The following NEK11 variants were observed in gnomAD, a reference collection of about 807,000 sequenced individuals.
NEK11 encodes the protein NIMA related kinase 11.
NEK11 carries 72 observed loss-of-function variants against 80.7 expected under a neutral mutation model. That is an observed-to-expected ratio of 0.89 (90% CI 0.74 to 1.08). The LOEUF (loss-of-function observed/expected upper bound fraction) is 1.08. Among genes scored for constraint, NEK11 ranks in the 50% least tolerant of loss-of-function variants. The probability of loss-of-function intolerance (pLI) is 0.00; values close to 1 mark genes in which losing one functional copy is unlikely to be tolerated. For synonymous variants in NEK11, 251 were observed against 260.7 expected (o/e 0.96, Z 0.36); for missense variants, 764 against 763.6 (o/e 1.00, Z -0.01).
chr3:131,192,306 TG>T, intron 14 of NEK11, among the ~76,000 whole-genome samples: 1 of 152,212 alleles, frequency 6.6e-6, no homozygotes, highest in South Asian at 2.1e-4. Flanking sequence ...CAGCATGTGG[TG>T]AAATTGGAAC....
intron 3 of NEK11, among the ~76,000 whole-genome samples, chr3:131,068,203 G>A (rs1372267672): frequency 6.6e-6 from 1 of 152,146 alleles, no homozygotes; most frequent in South Asian, 2.1e-4. Flanking sequence ...AGCCCTGGCA[G>A]TCTTCCAGAC....
At chr3:131,259,692 TA>T (rs978656678) in intron 16 of NEK11, among the ~76,000 whole-genome samples, 1 of 152,160 alleles carries the variant, frequency 6.6e-6, no homozygotes, top group Non-Finnish European at 1.5e-5. Flanking sequence ...GCAAAGGCCA[TA>T]ATGGTTAGGT....
chr3:131,237,829 A>G (rs1299385679), intron 15 of NEK11, among the ~76,000 whole-genome samples: 1 of 152,110 alleles, frequency 6.6e-6, no homozygotes, highest in African/African-American at 2.4e-5. Context: ...AGCAAAACCT[A>G]TTGGCTTGAC....
Position 131,228,752 on chromosome 3 carries a change from G to A in NEK11, c.1560+64G>A, listed in dbSNP as rs541288286. 3.8e-5 allele frequency: 57 copies of A among 1,481,354 alleles called. 1 individual carries two copies. The South Asian group carries it at 7.0e-4, about 18-fold the overall frequency. 91.8% of individuals were successfully genotyped at this position (1,481,354 alleles called of 1,614,324 possible). A position where few individuals can be genotyped will look rare whatever the true frequency, so the allele number is the denominator to read the frequency against. ...AAGGTACTGATTGGACTCTCCCAGA[G>A]AAGAAAGGAAGTCTTATAAGGTGAA... On this transcript the variant is annotated intron_variant, in intron 15 of 17. Coordinates refer to ENST00000383366, the MANE Select transcript of NEK11 (RefSeq NM_024800.5).
intron 14 of NEK11, among the ~76,000 whole-genome samples, chr3:131,182,472 ATGGGTTTCTTGCAAACCCATCTCAT>A (rs1470920822): frequency 6.6e-6 from 1 of 152,154 alleles, no homozygotes; most frequent in Admixed American, 6.5e-5. Context: ...ATCTTGCAGG[ATGGGTTTCTTGCAAACCCATCTCAT>A]TGTTCTGTGC....
intron 16 of NEK11, among the ~76,000 whole-genome samples, chr3:131,254,546 A>G (rs2095768274): frequency 6.6e-6 from 1 of 152,214 alleles, no homozygotes; most frequent in Non-Finnish European, 1.5e-5. Flanking sequence ...TTCAAACAGC[A>G]AAACTGATCA....
At chr3:131,213,089 G>C (rs973816380) in intron 14 of NEK11, among the ~76,000 whole-genome samples, 1 of 152,084 alleles carries the variant, frequency 6.6e-6, no homozygotes, top group Non-Finnish European at 1.5e-5. Flanking sequence ...TGTCCAGCCT[G>C]TTGCCCTACC....
intron 14 of NEK11, among the ~76,000 whole-genome samples, chr3:131,210,988 T>A (rs1342684608): frequency 6.6e-6 from 1 of 152,226 alleles, no homozygotes; most frequent in Non-Finnish European, 1.5e-5. Context: ...AGATTAATAT[T>A]GTTATGTGTG....
chr3:131,210,581 T>C (rs183773759), intron 14 of NEK11, among the ~76,000 whole-genome samples: 26 of 152,318 alleles, frequency 1.7e-4, no homozygotes, highest in Admixed American at 1.5e-3. Flanking sequence ...GGTGTTAAAG[T>C]CTCCCATTAT....
intron 17 of NEK11, among the ~76,000 whole-genome samples, chr3:131,348,593 A>G (rs976467093): frequency 6.6e-6 from 1 of 151,864 alleles, no homozygotes; most frequent in African/African-American, 2.4e-5. Context: ...AAAACATGTT[A>G]TGGACCAAAT....
intron 14 of NEK11, among the ~76,000 whole-genome samples, chr3:131,210,696 C>T (rs892429213): frequency 1.3e-5 from 2 of 152,314 alleles, no homozygotes; most frequent in Admixed American, 1.3e-4. Flanking sequence ...GTTAGCTCTT[C>T]TTATTGAATT....
intron 3 of NEK11, among the ~76,000 whole-genome samples, chr3:131,065,640 A>G (rs1051190075): frequency 6.6e-6 from 1 of 152,152 alleles, no homozygotes; most frequent in East Asian, 1.9e-4. Context: ...CAGAGTTTTT[A>G]TAGATGAGCT....
chr3:131,303,314 G>T (rs1443647900), intron 17 of NEK11, among the ~76,000 whole-genome samples: 2 of 152,064 alleles, frequency 1.3e-5, no homozygotes, highest in East Asian at 3.9e-4. Flanking sequence ...TGTGGCATTT[G>T]GTCTGTTTAC....
At chr3:131,196,774 G>A (rs1165966881) in intron 14 of NEK11, among the ~76,000 whole-genome samples, 23 of 151,688 alleles carry the variant, frequency 1.5e-4, no homozygotes, top group East Asian at 1.2e-3. Flanking sequence ...CTTGTGATCC[G>A]CCCTCCCAAA....
intron 7 of NEK11, among the ~76,000 whole-genome samples, chr3:131,143,651 A>T (rs2087472731): frequency 2.0e-5 from 3 of 152,118 alleles, no homozygotes; most frequent in Non-Finnish European, 4.4e-5. Flanking sequence ...CATATATGTT[A>T]AAGTTTGGGA....
chr3:131,078,362 G>A (rs978824422), intron 3 of NEK11, among the ~76,000 whole-genome samples: 5 of 152,096 alleles, frequency 3.3e-5, no homozygotes, highest in South Asian at 2.1e-4. Flanking sequence ...ACCCAACCCC[G>A]GAATAGGATA....
chr3:131,305,542 T>C (rs2096714368), intron 17 of NEK11, among the ~76,000 whole-genome samples: 1 of 152,198 alleles, frequency 6.6e-6, no homozygotes, highest in Non-Finnish European at 1.5e-5. Context: ...TAAAGGAGCA[T>C]GGTGAGCCTT....
intron 17 of NEK11, among the ~76,000 whole-genome samples, chr3:131,291,254 G>A (rs1258306749): frequency 1.3e-5 from 2 of 152,060 alleles, no homozygotes; most frequent in East Asian, 3.9e-4. Flanking sequence ...TCTTTTCATG[G>A]CTTAATAGGT....
intron 5 of NEK11, among the ~76,000 whole-genome samples, chr3:131,127,753 C>CTTTTCTCTGGAAAGTATTTATATTTTT (rs71133689): frequency 1.3e-5 from 2 of 151,804 alleles, no homozygotes; most frequent in Admixed American, 1.3e-4. Flanking sequence ...GATGATATTA[C>CTTTTCTCTGGAAAGTATTTATATTTTT]TTTTCTCTGC....
Sources: allele counts gnomAD v4.1 joint callset (sites outside exome capture counted in the v4.1 genomes callset), GRCh38; gene constraint gnomAD v4.1.1; transcripts MANE v1.5; gene names NCBI Gene and HGNC (gene_info 2026-07-23, HGNC 2026-07-21).